VIM: variants seen among roughly 807,000 people sequenced by gnomAD.
VIM encodes the protein vimentin.
A neutral mutation model predicts 50.3 loss-of-function variants in VIM; 18 were observed. The observed-to-expected ratio is 0.36, with a 90% CI of 0.25 to 0.53. The LOEUF is 0.53. VIM is among the 20% of genes least tolerant of loss of function. VIM has a pLI of 0.91. For synonymous variants in VIM, 245 were observed against 248.5 expected (o/e 0.99, Z 0.13); for missense variants, 551 against 614.7 (o/e 0.90, Z 1.10).
intron 6 of VIM, 104 bp from the exon 7 acceptor site, chr10:17,235,065 C>T (rs1294720507): frequency 5.1e-6 from 7 of 1,374,368 alleles, no homozygotes; most frequent in Non-Finnish European, 7.1e-6. Context: ...GAGTGGTCGC[C>T]ATTTGCCGCT....
In VIM at chr10:17,233,908, G is replaced by A; in HGVS notation, c.859G>A (p.Ala287Thr). The A allele has an allele frequency of 6.2e-7, 1 of 1,613,974 alleles. No individual in the cohort carries two copies. The highest frequency in any genetic ancestry group is 8.5e-7 in the Non-Finnish European group (1 of 1,179,926). The change falls in exon 5 of 10, where the codon GCA (alanine) becomes ACA (threonine). Residue 287 changes from alanine (A) to threonine (T), a missense_variant. Coordinates refer to ENST00000544301, the MANE Select transcript of VIM (RefSeq NM_003380.5). The stretch of plus-strand genomic sequence containing the variant: ...TGTGGCTGCCAAGAACCTGCAGGAG[G>A]CAGAAGAATGGTACAAATCCAAGGT... ...ESVAAKNLQE[A>T]EEWYKSKFAD...
At chr10:17,236,881 T>C (rs1474993527) in intron 9 of VIM, among the ~76,000 whole-genome samples, 1 of 152,210 alleles carries the variant, frequency 6.6e-6, no homozygotes, top group Non-Finnish European at 1.5e-5. Context: ...AAATCTTCCC[T>C]TGCACATAAA....
At chr10:17,233,512 A>C in intron 3 of VIM, 75 bp from the exon 4 acceptor site, 1 of 1,461,216 alleles carries the variant, frequency 6.8e-7, no homozygotes, top group Non-Finnish European at 9.5e-7. Context: ...CAGATGGTTA[A>C]TCTAAGACAA....
intron 8 of VIM, 143 bp downstream of exon 8, chr10:17,236,032 A>G (rs1036135371): frequency 3.3e-6 from 3 of 899,190 alleles, no homozygotes; most frequent in Non-Finnish European, 5.3e-6. Context: ...TTTCGAACCC[A>G]AGTACACTCT....
Position 17,229,689 on chromosome 10 carries a change from C to T in VIM, c.267C>T (p.Ala89=). ...AGGACTCGGTGGACTTCTCGCTGGC[C>T]GACGCCATCAACACCGAGTTCAAGA... ...LLQDSVDFSL[A]DAINTEFKNT... is the part of the protein sequence containing the mutation. The change falls in exon 2 of 10, where the codon GCC becomes GCT. Residue 89 remains alanine, a synonymous_variant. Coordinates refer to ENST00000544301, the MANE Select transcript of VIM (RefSeq NM_003380.5). 3 of 1,565,430 alleles carry T rather than the reference C, an allele frequency of 1.9e-6. No individual in the cohort carries two copies. The highest frequency in any genetic ancestry group is 1.9e-5 in the Admixed American group (1 of 52,540).
intron 3 of VIM, 178 bp downstream of exon 3, chr10:17,230,888 T>A: frequency 1.6e-6 from 1 of 620,036 alleles, no homozygotes. Context: ...AAAATATTAA[T>A]AAAACCCCTT....
chr10:17,230,421 CG>C, intron 2 of VIM: 1 of 607,216 alleles, frequency 1.6e-6, no homozygotes, highest in Non-Finnish European at 3.0e-6. Context: ...GCGGGGATGG[CG>C]GGGCTGTCCT....
chr10:17,234,771 A>C lies in VIM; in HGVS notation c.961A>C (p.Arg321=), dbSNP rs762030566. 1.2e-6 allele frequency: 2 copies of C among 1,614,168 alleles called. No homozygotes were observed. The highest frequency in any genetic ancestry group is 1.7e-6 in the Non-Finnish European group (2 of 1,180,036). ...QAKQESTEYR[R]QVQSLTCEVD... is the part of the protein sequence containing the mutation. ...AAAGCAGGAGTCCACTGAGTACCGG[A>C]GACAGGTGCAGTCCCTCACCTGTGA... The change falls in exon 6 of 10, where the codon AGA becomes CGA. Residue 321 remains arginine, a synonymous_variant. Transcript: ENST00000544301.
At position 17,230,156 on chromosome 10, in the gene VIM, C is replaced by A. The variant is rs1429564260; in HGVS notation, c.563+171C>A. The A allele has an allele frequency of 5.1e-6, 4 of 790,784 alleles. No homozygotes were observed. In the East Asian group the frequency reaches 8.1e-5, roughly 16 times the overall value. The allele number at this position is 790,784 out of a possible 1,614,324, so 49.0% of individuals were successfully genotyped here. A position where few individuals can be genotyped will look rare whatever the true frequency, so the allele number is the denominator to read the frequency against. On this transcript the variant is annotated intron_variant, in intron 2 of 9. Coordinates refer to ENST00000544301, the MANE Select transcript of VIM (RefSeq NM_003380.5). ...TGTGGCTGTGGTGGCGCAGCCCCGC[C>A]CAGAACCCAGACCTTGCAGTTCGCA...
Position 17,237,397 on chromosome 10 carries a change from G to C in VIM, c.*126G>C. 1.1e-6 allele frequency: 1 copy of C among 902,532 alleles called. No individual in the cohort carries two copies. Among genetic ancestry groups the C allele is most frequent in the Middle Eastern group, 3.0e-4 (1 of 3,340 alleles). 55.9% of individuals were successfully genotyped at this position (902,532 alleles called of 1,614,324 possible). A position where few individuals can be genotyped will look rare whatever the true frequency, so the allele number is the denominator to read the frequency against. The stretch of plus-strand genomic sequence containing the variant: ...AGGAGCGCAAGATAGATTTGGAATA[G>C]GAATAAGCTCTAGTTCTTAACAACC... On this transcript the variant is annotated 3_prime_UTR_variant, in exon 10 of 10. Coordinates refer to ENST00000544301, the MANE Select transcript of VIM (RefSeq NM_003380.5).
chr10:17,233,543 A>C, intron 3 of VIM, 44 bp from the exon 4 acceptor site: 9 of 1,583,674 alleles, frequency 5.7e-6, no homozygotes, highest in Non-Finnish European at 7.8e-6. Flanking sequence ...TAAGCCATAC[A>C]CTTTTACATC....
chr10:17,234,226 C>T (rs1846847736), intron 5 of VIM: 1 of 382,482 alleles, frequency 2.6e-6, no homozygotes, highest in Non-Finnish European at 4.9e-6. Context: ...AGTGATTCTC[C>T]TGCCTCAGCC....
chr10:17,229,307 G>T lies in VIM; in HGVS notation c.-116G>T. ...GCCACTCTCGCTCCGAGGTCCCCGC[G>T]CCAGAGACGCAGCCGCGCTCCCACC... is the stretch of plus-strand genomic sequence containing the variant. On this transcript the variant is annotated 5_prime_UTR_variant, in exon 2 of 10. Transcript: ENST00000544301. 8.9e-7 allele frequency: 1 copy of T among 1,117,816 alleles called. No homozygotes were observed. Among genetic ancestry groups the T allele is most frequent in the South Asian group, 1.4e-5 (1 of 70,444 alleles). 69.2% of individuals were successfully genotyped at this position (1,117,816 alleles called of 1,614,324 possible).
At chr10:17,237,163 G>T (rs1318377912) in intron 9 of VIM, 67 bp from the exon 10 acceptor site, 2 of 1,348,234 alleles carry the variant, frequency 1.5e-6, no homozygotes, top group Non-Finnish European at 2.1e-6. Context: ...TATTTGCCGT[G>T]ATATATAGGA....
At position 17,229,381 on chromosome 10, in the gene VIM, G is replaced by GCGC. The variant is rs780490354; in HGVS notation, c.-40_-38dup. 2.6e-6 allele frequency: 4 copies of GCGC among 1,560,714 alleles called. No individual in the cohort carries two copies. Among genetic ancestry groups the GCGC allele is most frequent in the South Asian group, 1.2e-5 (1 of 86,178 alleles). On this transcript the variant is annotated 5_prime_UTR_variant, in exon 2 of 10. Coordinates refer to ENST00000544301, the MANE Select transcript of VIM (RefSeq NM_003380.5). ...TCGCCTCTTCTCCGGGAGCCAGTCCGCGCCACCGCCGCCGCCCAGGCCATC... is the reference window on the plus strand; with the variant it reads ...TCGCCTCTTCTCCGGGAGCCAGTCCGCGCCGCCACCGCCGCCGCCCAGGCCATC...
intron 3 of VIM, chr10:17,233,313 C>T (rs987279250): frequency 2.3e-6 from 1 of 427,960 alleles, no homozygotes; most frequent in Non-Finnish European, 4.3e-6. Context: ...TGCAGTTTAC[C>T]ATGTGTGTGG....
chr10:17,230,147 C>A, intron 2 of VIM, 162 bp downstream of exon 2: 1 of 869,008 alleles, frequency 1.2e-6, no homozygotes, highest in Non-Finnish European at 1.7e-6. Flanking sequence ...TGTGGTGGCG[C>A]AGCCCCGCCC....
In VIM at chr10:17,230,723, T is replaced by C. The variant is rs1846775031; in HGVS notation, c.624+13T>C. On this transcript the variant is annotated intron_variant, in intron 3 of 9. Transcript: ENST00000544301. ...ATCTTTCAGACAGGTTTGTAGACTC[T>C]CTTCCCACTCGCAGCCGCCTGACCC... 1 of 1,613,980 alleles carries C rather than the reference T, an allele frequency of 6.2e-7. No homozygotes were observed. Among genetic ancestry groups the C allele is most frequent in the South Asian group, 1.1e-5 (1 of 91,084 alleles).
chr10:17,230,501 G>A (rs1464849406), intron 2 of VIM, 149 bp from the exon 3 acceptor site: 6 of 911,826 alleles, frequency 6.6e-6, no homozygotes, highest in African/African-American at 6.5e-5. Flanking sequence ...ACCTGCCGAG[G>A]GCAGCAGGTC....
Sources: allele counts gnomAD v4.1 joint callset (sites outside exome capture counted in the v4.1 genomes callset), GRCh38; gene constraint gnomAD v4.1.1; transcripts MANE v1.5; gene names NCBI Gene and HGNC (gene_info 2026-07-23, HGNC 2026-07-21).